The following CECR2 variants were observed in gnomAD, a reference collection of about 807,000 sequenced individuals.
CECR2 encodes the protein CECR2 histone acetyl-lysine reader.
Under a neutral mutation model 154.5 loss-of-function variants are expected in CECR2, and 30 were observed. That is an observed-to-expected ratio of 0.19 (90% confidence interval 0.15 to 0.26). The LOEUF (loss-of-function observed/expected upper bound fraction) is 0.26, where lower values mean the gene tolerates loss of function less well. Ranked by LOEUF, CECR2 falls within the 10% of genes least tolerant of loss-of-function variation. The pLI, the probability that CECR2 is intolerant of heterozygous loss-of-function variation, is 1.00. For synonymous variants in CECR2, 725 were observed against 683.7 expected (o/e 1.06, Z -0.94); for missense variants, 1,743 against 1,829.3 (o/e 0.95, Z 0.86).
At chr22:17,535,982 C>T (rs1389744952) in intron 9 of CECR2, among the ~76,000 whole-genome samples, 1 of 152,160 alleles carries the variant, frequency 6.6e-6, no homozygotes, top group Admixed American at 6.5e-5. Context: ...GGCACCATGG[C>T]TCACTCCTGT....
rs1260302326 is a variant in CECR2 at position 17,538,707 on chromosome 22, C to T, written c.1344C>T (p.Ala448=). 3.7e-6 allele frequency: 6 copies of T among 1,613,766 alleles called. No homozygotes were observed. The highest frequency in any genetic ancestry group is 1.7e-5 in the Admixed American group (1 of 60,004). ...TGGAACCTGTGGATGAATCTTATGCCCCTAACTATTATCAGATTATTAAGG... is the reference window on the plus strand; with the variant it reads ...TGGAACCTGTGGATGAATCTTATGCTCCTAACTATTATCAGATTATTAAGG... The part of the protein sequence containing the change: ...PFLEPVDESY[A]PNYYQIIKAP... The change falls in exon 12 of 19, where the codon GCC becomes GCT. Residue 448 remains alanine (A), a synonymous_variant. Transcript: ENST00000262608.
intron 1 of CECR2, among the ~76,000 whole-genome samples, chr22:17,470,392 C>CAA (rs5844313): frequency 0.09 from 8,981 of 99,560 alleles, 427 homozygotes; most frequent in South Asian, 0.27. Context: ...GACTCCGTCT[C>CAA]AAAAAAAAAA....
intron 1 of CECR2, among the ~76,000 whole-genome samples, chr22:17,400,157 C>A (rs2053870593): frequency 6.6e-6 from 1 of 152,156 alleles, no homozygotes; most frequent in Admixed American, 6.5e-5. Flanking sequence ...CCAAAGTACA[C>A]ATTAGTGTGA....
chr22:17,511,009 C>T (rs1277638640), intron 7 of CECR2, among the ~76,000 whole-genome samples: 1 of 152,180 alleles, frequency 6.6e-6, no homozygotes, highest in Admixed American at 6.5e-5. Flanking sequence ...ATTTTCTATC[C>T]TATAATTCCT....
chr22:17,551,901 C>T, intron 17 of CECR2, 130 bp from the exon 18 acceptor site: 1 of 811,436 alleles, frequency 1.2e-6, no homozygotes. Context: ...TCGAGTTGTC[C>T]CAGTATGGAT....
chr22:17,417,051 TA>T (rs920107714), intron 1 of CECR2, among the ~76,000 whole-genome samples: 3 of 151,244 alleles, frequency 2.0e-5, no homozygotes, highest in East Asian at 1.9e-4. Flanking sequence ...AAAGGGACTT[TA>T]AAAAAAATCT....
At chr22:17,373,055 T>C (rs1282308047) in intron 1 of CECR2, among the ~76,000 whole-genome samples, 1 of 152,192 alleles carries the variant, frequency 6.6e-6, no homozygotes, top group Non-Finnish European at 1.5e-5. Flanking sequence ...TTTTTGTGTG[T>C]ATTAAATAAA....
intron 1 of CECR2, among the ~76,000 whole-genome samples, chr22:17,464,955 A>G (rs960431725): frequency 1.3e-5 from 2 of 151,966 alleles, no homozygotes; most frequent in South Asian, 2.1e-4. Flanking sequence ...TTTGACCTAT[A>G]GGTAGGTGCA....
chr22:17,468,229 G>A lies in CECR2; in HGVS notation c.127-9359G>A, dbSNP rs118108998. 7.7e-3 allele frequency among the ~76,000 whole-genome samples: 1,176 copies of A among 152,190 alleles called. 66 individuals are homozygous for A. In the East Asian group the frequency reaches 0.16, roughly 21 times the overall value. ...AAGTAATATGTGGGCTCATGTTTTGGGCTCTTTCAAGGTGTCTAAAAGGAA... is the reference window on the plus strand; with the variant it reads ...AAGTAATATGTGGGCTCATGTTTTGAGCTCTTTCAAGGTGTCTAAAAGGAA... On this transcript the variant is annotated intron_variant, in intron 1 of 18. Transcript: ENST00000262608.
intron 1 of CECR2, among the ~76,000 whole-genome samples, chr22:17,403,760 ATATT>A (rs1336913951): frequency 6.6e-6 from 1 of 152,066 alleles, no homozygotes; most frequent in Non-Finnish European, 1.5e-5. Flanking sequence ...GAGCTGTTAT[ATATT>A]CTGGTTTTGC....
At chr22:17,378,324 T>G (rs953814564) in intron 1 of CECR2, among the ~76,000 whole-genome samples, 1 of 138,468 alleles carries the variant, frequency 7.2e-6, no homozygotes, top group Non-Finnish European at 1.5e-5. Context: ...GGAGACGGAG[T>G]TTTGCTCTGT....
At position 17,537,163 on chromosome 22, in the gene CECR2, A is replaced by G; in HGVS notation, c.1169A>G (p.Glu390Gly). 1 of 1,613,918 alleles carries G rather than the reference A, an allele frequency of 6.2e-7. No homozygotes were observed. Among genetic ancestry groups the G allele is most frequent in the Non-Finnish European group, 8.5e-7 (1 of 1,179,852 alleles). ...ERAWLLAQGK[E>G]LPPELSHLDP... Reference sequence around the variant, plus strand: ...GCATGGCTGCTGGCTCAAGGAAAGGAGCTCCCTCCAGAACTTTCCCATCTG... The same window carrying G: ...GCATGGCTGCTGGCTCAAGGAAAGGGGCTCCCTCCAGAACTTTCCCATCTG... The change falls in exon 10 of 19, where the codon GAG becomes GGG. Residue 390 changes from glutamate (E) to glycine (G), a missense_variant. Transcript: ENST00000262608.
chr22:17,550,627 TCAA>T (rs1265473198), intron 17 of CECR2, among the ~76,000 whole-genome samples: 1 of 152,106 alleles, frequency 6.6e-6, no homozygotes, highest in African/African-American at 2.4e-5. Flanking sequence ...CAGGAAGTTT[TCAA>T]ATCGATAGAT....
intron 1 of CECR2, among the ~76,000 whole-genome samples, chr22:17,448,880 AT>A (rs762089109): frequency 2.7e-4 from 40 of 150,590 alleles, no homozygotes; most frequent in East Asian, 4.1e-4. Flanking sequence ...TTTATTTATT[AT>A]TTATTTATTT....
intron 1 of CECR2, among the ~76,000 whole-genome samples, chr22:17,378,784 C>G (rs2063151215): frequency 1.3e-5 from 2 of 152,160 alleles, no homozygotes; most frequent in Admixed American, 6.6e-5. Context: ...ATAGAAGGTA[C>G]ACCCTATGTG....
At chr22:17,492,583 C>G (rs921910179) in intron 2 of CECR2, among the ~76,000 whole-genome samples, 1 of 151,914 alleles carries the variant, frequency 6.6e-6, no homozygotes, top group Non-Finnish European at 1.5e-5. Flanking sequence ...CTCTTTCACT[C>G]ATAGAGGGAA....
chr22:17,415,796 TCTTTA>T (rs1201975964), intron 1 of CECR2, among the ~76,000 whole-genome samples: 1 of 152,238 alleles, frequency 6.6e-6, no homozygotes, highest in Non-Finnish European at 1.5e-5. Flanking sequence ...GTTTATCTGT[TCTTTA>T]CTTTCATCTA....
chr22:17,389,114 T>G (rs934144531), intron 1 of CECR2, among the ~76,000 whole-genome samples: 1 of 152,072 alleles, frequency 6.6e-6, no homozygotes, highest in African/African-American at 2.4e-5. Context: ...GCGCCCGGCC[T>G]TAAAAACTTT....
intron 1 of CECR2, among the ~76,000 whole-genome samples, chr22:17,463,002 G>A (rs114253951): frequency 0.017 from 2,561 of 152,312 alleles, 70 homozygotes; most frequent in African/African-American, 0.058. Flanking sequence ...CAAGGGGTTT[G>A]CTTAATAATG....
Sources: gnomAD v4.1 joint callset for allele counts (sites outside exome capture counted in the v4.1 genomes callset) on GRCh38, gnomAD v4.1.1 for gene constraint, MANE v1.5 for transcripts, NCBI Gene and HGNC (gene_info 2026-07-23, HGNC 2026-07-21) for gene names.